Variants in ULK4 observed in about 807,000 individuals in gnomAD.
ULK4 encodes inactive serine/threonine-protein kinase ULK4.
ULK4 carries 133 observed loss-of-function variants against 160.6 expected under a neutral mutation model. The observed-to-expected ratio is 0.83, with a 90% CI of 0.72 to 0.96. ULK4 has a LOEUF of 0.96. Ranked by LOEUF, ULK4 falls within the 40% of genes least tolerant of loss-of-function variation. The pLI, the probability that ULK4 is intolerant of heterozygous loss-of-function variation, is 0.00. For synonymous variants in ULK4, 534 were observed against 539.8 expected (o/e 0.99, Z 0.15); for missense variants, 1,580 against 1,499.5 (o/e 1.05, Z -0.89).
At position 41,329,528 on chromosome 3, in the gene ULK4, C is replaced by T. The variant is rs77062274; in HGVS notation, c.3678+68551G>A. ...CACCATTAATGGTTTGACAACAATT[C>T]CTCATAGACTCTTTTCTGAACTTAT... On this transcript the variant is annotated intron_variant, in intron 35 of 36. Coordinates refer to ENST00000301831, the MANE Select transcript of ULK4 (RefSeq NM_017886.4). Among the ~76,000 whole-genome samples the T allele has an allele frequency of 6.6e-5, 10 of 152,288 alleles. No homozygotes were observed. The East Asian group carries it at 1.7e-3, about 26-fold the overall frequency.
chr3:41,423,565 A>C (rs1325593328), intron 34 of ULK4, among the ~76,000 whole-genome samples: 1 of 152,144 alleles, frequency 6.6e-6, no homozygotes, highest in Non-Finnish European at 1.5e-5. Flanking sequence ...ATAAGATTCA[A>C]AAGCGTCTTA....
chr3:41,918,740 C>T lies in ULK4; in HGVS notation c.644-200G>A, dbSNP rs373138292. ...CTTCAGCCTCCCCAGCAGCTGGGAC[C>T]ACAGGCGCACGCTGCCACGCCCAGC... is the stretch of plus-strand genomic sequence containing the variant. On this transcript the variant is annotated intron_variant, in intron 6 of 36. Transcript: ENST00000301831. Among the ~76,000 whole-genome samples the T allele has an allele frequency of 4.0e-3, 608 of 151,958 alleles. 3 individuals carry two copies. The highest frequency in any genetic ancestry group is 0.013 in the African/African-American group (536 of 41,462).
At chr3:41,706,135 C>G (rs1205880201) in intron 25 of ULK4, among the ~76,000 whole-genome samples, 2 of 151,918 alleles carry the variant, frequency 1.3e-5, no homozygotes, top group Non-Finnish European at 2.9e-5. Flanking sequence ...GGATGACTCC[C>G]ATTGCTGTTT....
chr3:41,941,304 C>A (rs1699945388), intron 2 of ULK4, among the ~76,000 whole-genome samples: 1 of 129,892 alleles, frequency 7.7e-6, no homozygotes, highest in African/African-American at 2.8e-5. Flanking sequence ...TCCCAAAGTG[C>A]TGGGATTACA....
intron 35 of ULK4, among the ~76,000 whole-genome samples, chr3:41,333,092 T>C (rs532508979): frequency 5.9e-5 from 9 of 152,218 alleles, no homozygotes; most frequent in African/African-American, 9.6e-5. Flanking sequence ...AGAAAGAATC[T>C]TTCTTGAAGG....
At chr3:41,330,504 G>A (rs910649250) in intron 35 of ULK4, among the ~76,000 whole-genome samples, 1 of 152,134 alleles carries the variant, frequency 6.6e-6, no homozygotes, top group Non-Finnish European at 1.5e-5. Context: ...GACACCAATG[G>A]AGCATGGAAA....
intron 30 of ULK4, among the ~76,000 whole-genome samples, chr3:41,625,321 G>C (rs573702732): frequency 2.6e-5 from 4 of 152,270 alleles, no homozygotes; most frequent in African/African-American, 9.6e-5. Context: ...TAAGGAGATT[G>C]CTTTAGAGAC....
chr3:41,457,410 T>G (rs2083580587), intron 33 of ULK4, among the ~76,000 whole-genome samples: 1 of 152,158 alleles, frequency 6.6e-6, no homozygotes, highest in South Asian at 2.1e-4. Flanking sequence ...AGTATTCATG[T>G]GGCCACCTCC....
chr3:41,896,611 TACAA>T (rs776872364), intron 15 of ULK4, among the ~76,000 whole-genome samples: 4 of 152,168 alleles, frequency 2.6e-5, no homozygotes, highest in Non-Finnish European at 4.4e-5. Flanking sequence ...ACCTGAGTAT[TACAA>T]ACAAACAAAC....
At chr3:41,608,201 T>C (rs1410138864) in intron 31 of ULK4, among the ~76,000 whole-genome samples, 1 of 152,222 alleles carries the variant, frequency 6.6e-6, no homozygotes, top group Non-Finnish European at 1.5e-5. Context: ...TTCCCATAAA[T>C]CTGTAAACTG....
At chr3:41,388,136 G>T (rs551339117) in intron 35 of ULK4, among the ~76,000 whole-genome samples, 1 of 151,968 alleles carries the variant, frequency 6.6e-6, no homozygotes, top group Non-Finnish European at 1.5e-5. Context: ...GATGATGAGC[G>T]TTTTTTCATG....
At chr3:41,491,502 GA>G (rs1270259581) in intron 32 of ULK4, among the ~76,000 whole-genome samples, 1 of 151,880 alleles carries the variant, frequency 6.6e-6, no homozygotes, top group Non-Finnish European at 1.5e-5. Flanking sequence ...AAAATATATA[GA>G]AATTAGGTAC....
intron 32 of ULK4, among the ~76,000 whole-genome samples, chr3:41,499,918 T>C (rs1012759735): frequency 6.6e-6 from 1 of 152,226 alleles, no homozygotes; most frequent in African/African-American, 2.4e-5. Context: ...AAAGTTTGGT[T>C]AAGCTATATT....
intron 32 of ULK4, among the ~76,000 whole-genome samples, chr3:41,501,057 A>T (rs1365313733): frequency 1.3e-5 from 2 of 152,226 alleles, no homozygotes; most frequent in Non-Finnish European, 2.9e-5. Flanking sequence ...ATGAGATACC[A>T]CTACACAGCC....
intron 2 of ULK4, among the ~76,000 whole-genome samples, chr3:41,952,692 T>C (rs1030835556): frequency 6.6e-6 from 1 of 152,128 alleles, no homozygotes; most frequent in African/African-American, 2.4e-5. Context: ...AGAATTACCA[T>C]AGGACCAGCA....
intron 19 of ULK4, among the ~76,000 whole-genome samples, chr3:41,818,668 T>C (rs2041045705): frequency 6.6e-6 from 1 of 152,188 alleles, no homozygotes; most frequent in Non-Finnish European, 1.5e-5. Context: ...TGGAACATGA[T>C]TCTGTTACCA....
intron 35 of ULK4, among the ~76,000 whole-genome samples, chr3:41,366,624 T>C (rs1367777007): frequency 1.3e-5 from 2 of 152,010 alleles, no homozygotes; most frequent in Non-Finnish European, 1.5e-5. Flanking sequence ...CATACACTTA[T>C]TGTGCGCAGA....
intron 35 of ULK4, among the ~76,000 whole-genome samples, chr3:41,352,615 T>C (rs2080933503): frequency 6.6e-6 from 1 of 152,188 alleles, no homozygotes; most frequent in African/African-American, 2.4e-5. Context: ...ATCAGAACTC[T>C]GGTCACCAAG....
At chr3:41,776,816 C>T (rs575140925) in intron 21 of ULK4, among the ~76,000 whole-genome samples, 20 of 87,098 alleles carry the variant, frequency 2.3e-4, no homozygotes, top group South Asian at 4.1e-4. Context: ...CTGCTGGATT[C>T]GGTTTGCCAG....
Sources: gnomAD v4.1 joint callset for allele counts (sites outside exome capture counted in the v4.1 genomes callset) on GRCh38, gnomAD v4.1.1 for gene constraint, MANE v1.5 for transcripts, NCBI Gene and HGNC (gene_info 2026-07-23, HGNC 2026-07-21) for gene names.